The following FBLN1 variants were observed in gnomAD, a reference collection of about 807,000 sequenced individuals.
The protein encoded by FBLN1 is fibulin 1.
In FBLN1, 34 loss-of-function variants were observed where a neutral mutation model predicts 89.7. The observed-to-expected ratio is 0.38, with a 90% CI of 0.29 to 0.50. The LOEUF (loss-of-function observed/expected upper bound fraction) is 0.50. Ranked by LOEUF, FBLN1 falls within the 20% of genes least tolerant of loss-of-function variation. FBLN1 has a pLI of 0.92. For synonymous variants in FBLN1, 393 were observed against 391.3 expected (o/e 1.00, Z -0.05); for missense variants, 777 against 988.1 (o/e 0.79, Z 2.86).
chr22:45,569,417 G>C (rs941156683), intron 14 of FBLN1, among the ~76,000 whole-genome samples: 1 of 152,168 alleles, frequency 6.6e-6, no homozygotes, highest in African/African-American at 2.4e-5. Flanking sequence ...AAGGTGGGCA[G>C]ATCACAAGGT....
intron 10 of FBLN1, 110 bp from the exon 11 acceptor site, chr22:45,543,291 A>G (rs2088581743): frequency 7.5e-7 from 1 of 1,334,412 alleles, no homozygotes; most frequent in South Asian, 1.2e-5. Flanking sequence ...AAAAGAAATG[A>G]GGCTGGAGGA....
At chr22:45,555,838 C>T (rs564016625) in intron 14 of FBLN1, among the ~76,000 whole-genome samples, 1 of 152,256 alleles carries the variant, frequency 6.6e-6, no homozygotes, top group South Asian at 2.1e-4. Context: ...AGAAACTCAC[C>T]AATCCCCAAC....
chr22:45,600,390 G>A lies in FBLN1; in HGVS notation c.2056G>A (p.Val686Ile). ...GATGAACTATGTGGTCGGGGGCGTG[G>A]TCTCCCACCGAAATGTTGTCAACGT... is the stretch of plus-strand genomic sequence containing the variant. ...LEMNYVVGGV[V>I]SHRNVVNVHI... is the part of the protein sequence containing the mutation. The change falls in exon 17 of 17, where the codon GTC becomes ATC. Residue 686 changes from valine to isoleucine, a missense_variant. Val to Ile is a conservative substitution (Grantham distance 29). Transcript: ENST00000327858. 1 of 1,614,198 alleles carries A rather than the reference G, an allele frequency of 6.2e-7. No homozygotes were observed. The highest frequency in any genetic ancestry group is 8.5e-7 in the Non-Finnish European group (1 of 1,180,042).
intron 14 of FBLN1, among the ~76,000 whole-genome samples, chr22:45,554,187 A>C (rs976168997): frequency 1.8e-4 from 27 of 152,336 alleles, no homozygotes; most frequent in Middle Eastern, 3.4e-3. Flanking sequence ...GAGTGGAAGG[A>C]AAGTCTGCTG....
intron 14 of FBLN1, chr22:45,564,938 C>G: frequency 6.2e-7 from 1 of 1,614,148 alleles, no homozygotes; most frequent in Non-Finnish European, 8.5e-7. Context: ...GTAAAGAGGA[C>G]TGCAGGGTTC....
chr22:45,600,267 T>C, intron 16 of FBLN1, 40 bp from the exon 17 acceptor site: 3 of 1,613,858 alleles, frequency 1.9e-6, no homozygotes, highest in Non-Finnish European at 2.5e-6. Flanking sequence ...GTTGCTGCAG[T>C]CCCTTCTAAC....
In FBLN1 at chr22:45,557,048, T is replaced by G. The variant is rs2088797403; in HGVS notation, c.1697+6433T>G. 6.6e-6 allele frequency among the ~76,000 whole-genome samples: 1 copy of G among 152,186 alleles called. No individual in the cohort carries two copies. The highest frequency in any genetic ancestry group is 2.1e-4 in the South Asian group (1 of 4,822). On this transcript the variant is annotated intron_variant, in intron 14 of 16. Coordinates refer to ENST00000327858, the MANE Select transcript of FBLN1 (RefSeq NM_006486.3). This position sits in a 1 kb window ranked among gnomAD's most constrained non-coding sequence, Gnocchi z 4.9. ...AGCCCTGCAAAGTACTGTCACCTAG[T>G]TGGCATTGTAATTGTGACTTCAAAA... is the stretch of plus-strand genomic sequence containing the variant.
chr22:45,582,150 C>T (rs2089047499), intron 16 of FBLN1, among the ~76,000 whole-genome samples: 1 of 152,200 alleles, frequency 6.6e-6, no homozygotes, highest in Non-Finnish European at 1.5e-5. Context: ...AGGGCTTAGA[C>T]CTGAACTGCC....
intron 14 of FBLN1, among the ~76,000 whole-genome samples, chr22:45,568,875 C>T (rs889867611): frequency 2.0e-5 from 3 of 152,200 alleles, no homozygotes; most frequent in Non-Finnish European, 4.4e-5. Flanking sequence ...AGGAGCATGA[C>T]TTGTCTCAGC....
chr22:45,516,246 T>C (rs2088168290), intron 1 of FBLN1, among the ~76,000 whole-genome samples: 3 of 126,232 alleles, frequency 2.4e-5, no homozygotes, highest in Admixed American at 1.7e-4. Context: ...GTGAAGGGAG[T>C]GTGGGGACAG....
At chr22:45,525,724 C>T (rs372586119) in intron 3 of FBLN1, 46 bp downstream of exon 3, 123 of 1,550,526 alleles carry the variant, frequency 7.9e-5, no homozygotes, top group South Asian at 4.0e-4. Context: ...CCCCACTAGT[C>T]GGCAGACCCA....
At chr22:45,586,064 C>T (rs2089082862) in intron 16 of FBLN1, among the ~76,000 whole-genome samples, 1 of 152,314 alleles carries the variant, frequency 6.6e-6, no homozygotes, top group East Asian at 1.9e-4. Context: ...TTTGAGCCTA[C>T]TTCAGTGAGA....
intron 1 of FBLN1, chr22:45,503,639 G>C (rs2087978572): frequency 6.5e-6 from 1 of 152,694 alleles, no homozygotes; most frequent in Non-Finnish European, 1.5e-5. Flanking sequence ...AGGTTTTTGG[G>C]GCGTAGCTGG....
intron 16 of FBLN1, among the ~76,000 whole-genome samples, chr22:45,586,040 G>A (rs1011338997): frequency 6.6e-6 from 1 of 152,202 alleles, no homozygotes; most frequent in African/African-American, 2.4e-5. Flanking sequence ...CATTAATGGG[G>A]TACAGTCTCT....
intron 14 of FBLN1, among the ~76,000 whole-genome samples, chr22:45,553,901 G>C (rs983811134): frequency 6.6e-6 from 1 of 152,214 alleles, no homozygotes; most frequent in Non-Finnish European, 1.5e-5. Context: ...TGAGAGAAGC[G>C]GGAAGCCGAA....
In FBLN1 at chr22:45,563,078, A is replaced by G. The variant is rs146043636; in HGVS notation, c.1698-11433A>G. On this transcript the variant is annotated intron_variant, in intron 14 of 16. Coordinates refer to ENST00000327858, the MANE Select transcript of FBLN1 (RefSeq NM_006486.3). The surrounding 1 kb of genome is among the most constrained non-coding windows in gnomAD (Gnocchi z 5.7). ...CGGGGACAGCATGCAGCTGGCCATCACCGGCGGCAATGAGGAGGGCTTTTT... is the reference window on the plus strand; with the variant it reads ...CGGGGACAGCATGCAGCTGGCCATCGCCGGCGGCAATGAGGAGGGCTTTTT... 116 of 1,613,118 alleles carry G rather than the reference A, an allele frequency of 7.2e-5. No individual in the cohort carries two copies. The highest frequency in any genetic ancestry group is 9.2e-5 in the Non-Finnish European group (108 of 1,179,952).
Position 45,563,497 on chromosome 22 carries a change from G to A in FBLN1, c.1698-11014G>A. The A allele has an allele frequency of 1.2e-6, 1 of 851,294 alleles. No homozygotes were observed. The highest frequency in any genetic ancestry group is 1.8e-6 in the Non-Finnish European group (1 of 569,784). The allele number at this position is 851,294 out of a possible 1,614,324, so 52.7% of individuals were successfully genotyped here. Reference sequence around the variant, plus strand: ...GAGCGCTCCCCACTAGAGGGTGTGTGCTCGGGGGTCCCTGTTCACAGAGCC... The same window carrying A: ...GAGCGCTCCCCACTAGAGGGTGTGTACTCGGGGGTCCCTGTTCACAGAGCC... On this transcript the variant is annotated intron_variant, in intron 14 of 16. Coordinates refer to ENST00000327858, the MANE Select transcript of FBLN1 (RefSeq NM_006486.3). This position sits in a 1 kb window ranked among gnomAD's most constrained non-coding sequence, Gnocchi z 5.7.
chr22:45,594,058 C>T (rs943795267), intron 16 of FBLN1, among the ~76,000 whole-genome samples: 3 of 152,176 alleles, frequency 2.0e-5, no homozygotes, highest in Admixed American at 2.0e-4. Flanking sequence ...TGAAGCATTC[C>T]AGCTGGTCCC....
In FBLN1 at chr22:45,523,658, C is replaced by T. The variant is rs191474707; in HGVS notation, c.186-1885C>T. ...AGCGGAGGTTGCAGTGAGCCCTGAT[C>T]GCAACATTGCACTCCAGCCTGGGCG... On this transcript the variant is annotated intron_variant, in intron 2 of 16. Coordinates refer to ENST00000327858, the MANE Select transcript of FBLN1 (RefSeq NM_006486.3). Among the ~76,000 whole-genome samples the T allele has an allele frequency of 3.9e-5, 6 of 152,200 alleles. No individual in the cohort carries two copies. In the East Asian group the frequency reaches 7.7e-4, roughly 20 times the overall value.
Sources: allele counts gnomAD v4.1 joint callset (sites outside exome capture counted in the v4.1 genomes callset), GRCh38; gene constraint gnomAD v4.1.1; non-coding constraint Gnocchi (gnomAD v3.1); transcripts MANE v1.5; gene names NCBI Gene and HGNC (gene_info 2026-07-23, HGNC 2026-07-21).